POM121: variants seen among roughly 807,000 people sequenced by gnomAD.
POM121 encodes the protein nuclear envelope pore membrane protein POM 121.
POM121 carries 32 observed loss-of-function variants against 81.3 expected under a neutral mutation model. The observed-to-expected ratio is 0.39, with a 90% CI of 0.30 to 0.53. The LOEUF is 0.53. POM121 is among the 20% of genes least tolerant of loss of function. The pLI is 0.66. For missense variants in POM121, 1,138 were observed against 1,614.6 expected, an observed-to-expected ratio of 0.70 and a Z score of 5.06; for synonymous variants, 514 against 694.2, an observed-to-expected ratio of 0.74 and a Z score of 4.08.
At chr7:72,926,563 A>C in intron 2 of POM121, 86 bp downstream of exon 2, 1 of 1,583,038 alleles carries the variant, frequency 6.3e-7, no homozygotes, top group Non-Finnish European at 8.6e-7. Flanking sequence ...ACTACAACGC[A>C]GAAAAGAAAG....
In POM121 at chr7:72,947,632, CT is replaced by C. The variant is rs1797780199; in HGVS notation, c.*1402del. On this transcript the variant is annotated 3_prime_UTR_variant, in exon 13 of 13. Transcript: ENST00000434423. ...TATTTTTGTATTTAAGCTAAATTGC[CT>C]TTTAAATTCCTTCAAGCTTGGTTCA... 1 of 165,810 alleles carries C rather than the reference CT, an allele frequency of 6.0e-6. No homozygotes were observed. Among genetic ancestry groups the C allele is most frequent in the South Asian group, 2.1e-4 (1 of 4,684 alleles). 10.3% of individuals were successfully genotyped at this position (165,810 alleles called of 1,614,324 possible).
At chr7:72,925,804 G>T in intron 1 of POM121, 39 bp downstream of exon 1, 1 of 1,307,038 alleles carries the variant, frequency 7.7e-7, no homozygotes, top group Non-Finnish European at 9.7e-7. Context: ...CCTCTGGCTC[G>T]GCTGGCTTGA....
intron 3 of POM121, among the ~76,000 whole-genome samples, chr7:72,907,740 A>G (rs1554493653): frequency 6.6e-6 from 1 of 152,104 alleles, no homozygotes; most frequent in Non-Finnish European, 1.5e-5. Context: ...TGAGCTCCTG[A>G]CCTCAAGTGA....
intron 3 of POM121, among the ~76,000 whole-genome samples, chr7:72,911,532 C>T (rs1793802963): frequency 6.6e-6 from 1 of 152,236 alleles, no homozygotes; most frequent in Middle Eastern, 3.2e-3. Flanking sequence ...AACCCCATCT[C>T]CAGCCCAAAG....
chr7:72,901,053 A>G (rs1481496733), intron 3 of POM121, among the ~76,000 whole-genome samples: 1 of 151,644 alleles, frequency 6.6e-6, no homozygotes, highest in Non-Finnish European at 1.5e-5. Flanking sequence ...TGGTGTAATC[A>G]TAGCTCATTG....
chr7:72,880,222 GTC>G (rs200407462), intron 1 of POM121, among the ~76,000 whole-genome samples: 2 of 152,256 alleles, frequency 1.3e-5, no homozygotes, highest in East Asian at 3.9e-4. Context: ...TCACTTAAGT[GTC>G]TGCTGATCAC....
In POM121 at chr7:72,925,674, C is replaced by CCACCGCCGCGCTCCCCCCCGCCCT. The variant is rs1795357048; in HGVS notation, c.554_555insACCGCCGCGCTCCCCCCCGCCCTC (p.Pro187_Ser188insArgSerProProProSerProPro). On this transcript the variant is annotated inframe_insertion, in exon 1 of 13. Coordinates refer to ENST00000434423, the MANE Select transcript of POM121 (RefSeq NM_001387691.1). ...GCCGCGCTCCCCACCGCCGCGCTCC[C>CCACCGCCGCGCTCCCCCCCGCCCT]CCCCGCCCTCCCCGCCGACCCATCG... The CCACCGCCGCGCTCCCCCCCGCCCT allele has an allele frequency of 8.7e-7, 1 of 1,154,612 alleles. No homozygotes were observed. The highest frequency in any genetic ancestry group is 1.7e-5 in the African/African-American group (1 of 59,512). The allele number at this position is 1,154,612 out of a possible 1,614,324, so 71.5% of individuals were successfully genotyped here.
chr7:72,917,932 C>T (rs539500260), intron 4 of POM121, among the ~76,000 whole-genome samples: 2 of 152,294 alleles, frequency 1.3e-5, no homozygotes, highest in South Asian at 4.1e-4. Flanking sequence ...GGTCACATGT[C>T]CACTGGACAG....
At chr7:72,936,863 G>C (rs1335019117) in intron 5 of POM121, among the ~76,000 whole-genome samples, 1 of 152,078 alleles carries the variant, frequency 6.6e-6, no homozygotes, top group Non-Finnish European at 1.5e-5. Flanking sequence ...GCCCAGGCTG[G>C]TCCGAAACTC....
chr7:72,924,969 G>C, upstream of POM121: 2 of 1,266,922 alleles, frequency 1.6e-6, no homozygotes, highest in Non-Finnish European at 2.0e-6. Context: ...TTAAAGGCAG[G>C]CGGCATTTTC....
Position 72,941,914 on chromosome 7 carries a change from C to G in POM121, c.1921C>G (p.Gln641Glu). Residue 641 changes from glutamine (Q) to glutamate (E), a missense_variant, in exon 11 of 13, where the codon CAG (glutamine) becomes GAG (glutamate). This residue lies in a region of POM121 where 25 missense variants were observed against 214.1 expected (regional missense o/e 0.12). Coordinates refer to ENST00000434423, the MANE Select transcript of POM121 (RefSeq NM_001387691.1). The part of the protein sequence containing the change: ...PSLLPPLGLS[Q>E]SGPPGLLPSP... ...CCTCCTACCCCCGCTGGGTTTATCACAGTCAGGGCCGCCAGGGCTGCTCCC... is the reference window on the plus strand; with the variant it reads ...CCTCCTACCCCCGCTGGGTTTATCAGAGTCAGGGCCGCCAGGGCTGCTCCC... The G allele has an allele frequency of 6.4e-7, 1 of 1,574,136 alleles. No individual in the cohort carries two copies. The highest frequency in any genetic ancestry group is 1.4e-5 in the African/African-American group (1 of 72,060).
rs1554503483 is a variant in POM121, at chr7:72,947,098, A to G, written c.*864A>G. On this transcript the variant is annotated 3_prime_UTR_variant, in exon 13 of 13. Coordinates refer to ENST00000434423, the MANE Select transcript of POM121 (RefSeq NM_001387691.1). ...GCCTTGTCCTGTGTTCCTTTGTCTG[A>G]TGCTCTGTGTATTGCTCTTTGAATC... is the stretch of plus-strand genomic sequence containing the variant. 3.4e-6 allele frequency: 2 copies of G among 580,606 alleles called. 1 individual carries two copies. The highest frequency in any genetic ancestry group is 6.1e-5 in the African/African-American group (2 of 32,738). 36.0% of individuals were successfully genotyped at this position (580,606 alleles called of 1,614,324 possible).
intron 3 of POM121, among the ~76,000 whole-genome samples, chr7:72,907,485 G>GA (rs1489922211): frequency 2.0e-5 from 3 of 149,398 alleles, no homozygotes; most frequent in Non-Finnish European, 4.4e-5. Flanking sequence ...TTTTTCTTCT[G>GA]AAAAAAAATC....
chr7:72,918,504 G>A (rs1794502557), intron 4 of POM121, among the ~76,000 whole-genome samples: 1 of 152,076 alleles, frequency 6.6e-6, no homozygotes, highest in Non-Finnish European at 1.5e-5. Flanking sequence ...ATTGTAGAGC[G>A]AGGATTATTA....
chr7:72,935,785 G>A (rs1299938876), intron 5 of POM121, among the ~76,000 whole-genome samples: 5 of 151,802 alleles, frequency 3.3e-5, no homozygotes, highest in Admixed American at 3.3e-4. Context: ...CTGGCCCTAG[G>A]TATATGCTAT....
intron 5 of POM121, among the ~76,000 whole-genome samples, chr7:72,931,295 C>T (rs1187347547): frequency 6.6e-6 from 1 of 151,954 alleles, no homozygotes; most frequent in Non-Finnish European, 1.5e-5. Flanking sequence ...TGCTTTTTGC[C>T]CACCTTCCCA....
chr7:72,905,364 G>A (rs1383903089), intron 3 of POM121, among the ~76,000 whole-genome samples: 5 of 151,872 alleles, frequency 3.3e-5, no homozygotes, highest in East Asian at 1.9e-4. Flanking sequence ...ATTCTTTTAC[G>A]GTCACAGAAC....
chr7:72,892,476 G>A (rs1791396004), intron 3 of POM121, among the ~76,000 whole-genome samples: 1 of 152,144 alleles, frequency 6.6e-6, no homozygotes, highest in African/African-American at 2.4e-5. Context: ...CTTGCAGATC[G>A]TCAGCACATT....
upstream of POM121, among the ~76,000 whole-genome samples, chr7:72,922,304 C>T (rs1461854811): frequency 6.6e-6 from 1 of 152,014 alleles, no homozygotes; most frequent in African/African-American, 2.4e-5. Context: ...TTACTAATCC[C>T]CTTTTGGTTA....
Sources: allele counts gnomAD v4.1 joint callset (sites outside exome capture counted in the v4.1 genomes callset), GRCh38; gene constraint gnomAD v4.1.1; regional missense constraint gnomAD v4.1.1; transcripts MANE v1.5; gene names NCBI Gene and HGNC (gene_info 2026-07-23, HGNC 2026-07-21).